Variants in CTNNAL1 observed in about 807,000 individuals in gnomAD.
The protein encoded by CTNNAL1 is alpha-catulin.
In CTNNAL1, 69 loss-of-function variants were observed where a neutral mutation model predicts 93.6. That is an observed-to-expected ratio of 0.74 (90% CI 0.61 to 0.90). The LOEUF (loss-of-function observed/expected upper bound fraction) is 0.90, where lower values mean the gene tolerates loss of function less well. Ranked by LOEUF, CTNNAL1 falls within the 40% of genes least tolerant of loss-of-function variation. CTNNAL1 has a pLI of 0.00. For missense variants in CTNNAL1, 836 were observed against 862.0 expected (o/e 0.97, Z 0.38); for synonymous variants, 286 against 305.4 (o/e 0.94, Z 0.66).
In CTNNAL1 at chr9:109,013,449, C is replaced by T; in HGVS notation, c.-7G>A. The T allele has an allele frequency of 7.8e-6, 11 of 1,413,928 alleles. No homozygotes were observed. The highest frequency in any genetic ancestry group is 9.3e-6 in the Non-Finnish European group (10 of 1,079,122). The allele number at this position is 1,413,928 out of a possible 1,614,324, so 87.6% of individuals were successfully genotyped here. A position where few individuals can be genotyped will look rare whatever the true frequency, so the allele number is the denominator to read the frequency against. On this transcript the variant is annotated 5_prime_UTR_variant, in exon 1 of 19. Coordinates refer to ENST00000325551, the MANE Select transcript of CTNNAL1 (RefSeq NM_003798.4). Reference sequence around the variant, plus strand: ...GTCCGGGAGAGGCGGCCATGGCCCTCGGTCTATCCCGCAGCCGGGACTCCG... The same window carrying T: ...GTCCGGGAGAGGCGGCCATGGCCCTTGGTCTATCCCGCAGCCGGGACTCCG...
At chr9:109,013,211 C>T in intron 1 of CTNNAL1, 91 bp downstream of exon 1, 2 of 1,353,754 alleles carry the variant, frequency 1.5e-6, no homozygotes, top group Admixed American at 3.8e-5. Flanking sequence ...AGTGGGGCAG[C>T]GGCTGCCTCC....
chr9:108,977,266 T>C (rs944559166), intron 7 of CTNNAL1: 3 of 299,026 alleles, frequency 1.0e-5, no homozygotes, highest in Non-Finnish European at 1.8e-5. Context: ...ACTTCTGTTT[T>C]TTTATTTATT....
At position 108,952,266 on chromosome 9, in the gene CTNNAL1, A is replaced by T. The variant is rs28361167; in HGVS notation, c.1778T>A (p.Ile593Asn). The T allele has an allele frequency of 9.9e-6, 16 of 1,614,234 alleles. No individual in the cohort carries two copies. In the East Asian group the frequency reaches 2.9e-4, roughly 29 times the overall value. ...GGACATGTTCCGTCCATATTGAACA[A>T]TCTCATTCTCCTGATCTTCCCACTT... is the stretch of plus-strand genomic sequence containing the variant. ...IEKWEDQENE[I>N]VQYGRNMSSM... is the part of the protein sequence containing the mutation. The change falls in exon 14 of 19, where the codon ATT becomes AAT. Residue 593 changes from isoleucine (I) to asparagine (N), a missense_variant. By Grantham distance (149) the Ile-to-Asn change is moderately radical. Coordinates refer to ENST00000325551, the MANE Select transcript of CTNNAL1 (RefSeq NM_003798.4).
At chr9:108,968,801 A>T (rs1223953127) in intron 10 of CTNNAL1, among the ~76,000 whole-genome samples, 1 of 152,224 alleles carries the variant, frequency 6.6e-6, no homozygotes, top group Non-Finnish European at 1.5e-5. Context: ...TCTCAGCTAT[A>T]AATCAAAGAT....
At chr9:108,988,083 C>T (rs1831671970) in intron 4 of CTNNAL1, among the ~76,000 whole-genome samples, 1 of 152,138 alleles carries the variant, frequency 6.6e-6, no homozygotes, top group Admixed American at 6.6e-5. Context: ...GGAGTCACCA[C>T]TGCCACTTTC....
chr9:109,005,530 C>G (rs1826996945), intron 1 of CTNNAL1, among the ~76,000 whole-genome samples: 1 of 152,138 alleles, frequency 6.6e-6, no homozygotes, highest in South Asian at 2.1e-4. Context: ...CCTCAGAAAG[C>G]TCTCTCACTC....
chr9:108,971,556 T>G (rs1831118381), intron 9 of CTNNAL1, among the ~76,000 whole-genome samples: 1 of 152,194 alleles, frequency 6.6e-6, no homozygotes, highest in African/African-American at 2.4e-5. Context: ...GATCTGATGA[T>G]TTCATAAATG....
chr9:109,006,566 G>A (rs1827033288), intron 1 of CTNNAL1, among the ~76,000 whole-genome samples: 1 of 152,120 alleles, frequency 6.6e-6, no homozygotes, highest in South Asian at 2.1e-4. Flanking sequence ...CTATAGTTCT[G>A]CAAAAATAGG....
At position 108,942,661 on chromosome 9, in the gene CTNNAL1, G is replaced by GTT. The variant is rs1389114030; in HGVS notation, c.*106_*107dup. The GTT allele has an allele frequency of 2.5e-6, 2 of 808,142 alleles. No homozygotes were observed. Among genetic ancestry groups the GTT allele is most frequent in the Non-Finnish European group, 4.0e-6 (2 of 502,524 alleles). The allele number at this position is 808,142 out of a possible 1,614,324, so 50.1% of individuals were successfully genotyped here. A position where few individuals can be genotyped will look rare whatever the true frequency, so the allele number is the denominator to read the frequency against. On this transcript the variant is annotated 3_prime_UTR_variant, in exon 19 of 19. Transcript: ENST00000325551. ...GAAAATAGAGCAAAATTTCAATATTGTTTTCTTTATAAAATTGATGAATTT... is the reference window on the plus strand; with the variant it reads ...GAAAATAGAGCAAAATTTCAATATTGTTTTTTCTTTATAAAATTGATGAATTT...
Position 108,942,586 on chromosome 9 carries a change from C to A in CTNNAL1, c.*183G>T. The A allele has an allele frequency of 1.8e-6, 1 of 569,782 alleles. No individual in the cohort carries two copies. The highest frequency in any genetic ancestry group is 2.5e-5 in the South Asian group (1 of 40,752). The allele number at this position is 569,782 out of a possible 1,614,324, so 35.3% of individuals were successfully genotyped here. On this transcript the variant is annotated 3_prime_UTR_variant, in exon 19 of 19. Transcript: ENST00000325551. Reference sequence around the variant, plus strand: ...CACTACAATTAGAATCTAGCAATTACCAAGACATTTATTAGTTGTCAAAAA... The same window carrying A: ...CACTACAATTAGAATCTAGCAATTAACAAGACATTTATTAGTTGTCAAAAA...
At position 109,000,313 on chromosome 9, in the gene CTNNAL1, G is replaced by A. The variant is rs562004943; in HGVS notation, c.142-1057C>T. 3.3e-5 allele frequency among the ~76,000 whole-genome samples: 5 copies of A among 152,200 alleles called. No individual in the cohort carries two copies. The East Asian group carries it at 9.7e-4, about 29-fold the overall frequency. Reference sequence around the variant, plus strand: ...GACTAAGACAATCCCACCACCATTAGGTTTACAGTATGGTAGAATAGCAAT... The same window carrying A: ...GACTAAGACAATCCCACCACCATTAAGTTTACAGTATGGTAGAATAGCAAT... On this transcript the variant is annotated intron_variant, in intron 1 of 18. Transcript: ENST00000325551.
At chr9:108,985,862 C>T (rs1181508969) in intron 4 of CTNNAL1, among the ~76,000 whole-genome samples, 1 of 152,048 alleles carries the variant, frequency 6.6e-6, no homozygotes, top group Non-Finnish European at 1.5e-5. Flanking sequence ...TAACAAGCGA[C>T]AGAAAAAGAT....
chr9:108,951,518 T>C (rs1301785721), intron 14 of CTNNAL1, among the ~76,000 whole-genome samples: 1 of 152,182 alleles, frequency 6.6e-6, no homozygotes. Context: ...ATGAAAAAGA[T>C]AGATTTCAGA....
chr9:108,955,694 A>G (rs1056218256), intron 12 of CTNNAL1, 96 bp downstream of exon 12: 1 of 1,074,992 alleles, frequency 9.3e-7, no homozygotes, highest in Non-Finnish European at 1.4e-6. Flanking sequence ...TGTCATGTCA[A>G]TTATTTGTGG....
chr9:108,961,414 A>G (rs532060027), intron 11 of CTNNAL1, among the ~76,000 whole-genome samples: 1 of 152,336 alleles, frequency 6.6e-6, no homozygotes, highest in African/African-American at 2.4e-5. Context: ...AAATAAAGGC[A>G]GTACACACAA....
At chr9:108,961,455 T>G (rs1218125503) in intron 11 of CTNNAL1, among the ~76,000 whole-genome samples, 17 of 152,190 alleles carry the variant, frequency 1.1e-4, no homozygotes. Context: ...GAAACCTACA[T>G]AAACCCTTCC....
chr9:108,944,417 T>C (rs969357333), intron 15 of CTNNAL1, among the ~76,000 whole-genome samples: 11 of 117,076 alleles, frequency 9.4e-5, no homozygotes, highest in Admixed American at 8.8e-4. Flanking sequence ...ACCTTCCCAA[T>C]TCCATCTAGG....
chr9:109,004,347 G>T (rs538732422), intron 1 of CTNNAL1, among the ~76,000 whole-genome samples: 118 of 152,278 alleles, frequency 7.7e-4, no homozygotes, highest in African/African-American at 2.6e-3. Flanking sequence ...ATTGGAAAAT[G>T]GGGGTAATAA....
At chr9:108,983,808 A>C (rs1831514387) in intron 5 of CTNNAL1, among the ~76,000 whole-genome samples, 1 of 152,228 alleles carries the variant, frequency 6.6e-6, no homozygotes, top group South Asian at 2.1e-4. Context: ...TACTCTCAGA[A>C]GAAAAGGTTA....
Sources: gnomAD v4.1 joint callset for allele counts (sites outside exome capture counted in the v4.1 genomes callset) on GRCh38, gnomAD v4.1.1 for gene constraint, MANE v1.5 for transcripts, NCBI Gene and HGNC (gene_info 2026-07-23, HGNC 2026-07-21) for gene names.